Variants in GATB observed in about 807,000 individuals in gnomAD.
GATB encodes the protein glutamyl-tRNA amidotransferase subunit B.
GATB carries 39 observed loss-of-function variants against 62.3 expected under a neutral mutation model. The observed-to-expected ratio is 0.63, with a 90% CI of 0.48 to 0.82. The LOEUF (loss-of-function observed/expected upper bound fraction) is 0.82, where lower values mean the gene tolerates loss of function less well. Among genes scored for constraint, GATB ranks in the 40% least tolerant of loss-of-function variants. The pLI, the probability that GATB is intolerant of heterozygous loss-of-function variation, is 0.00. For synonymous variants in GATB, 276 were observed against 258.9 expected, an observed-to-expected ratio of 1.07 and a Z score of -0.63; for missense variants, 670 against 684.0, an observed-to-expected ratio of 0.98 and a Z score of 0.23.
At chr4:151,736,865 C>G (rs1739386358) in intron 2 of GATB, among the ~76,000 whole-genome samples, 1 of 152,202 alleles carries the variant, frequency 6.6e-6, no homozygotes, top group South Asian at 2.1e-4. Flanking sequence ...GCTCTCCTCT[C>G]TTGTCTGCTG....
intron 9 of GATB, among the ~76,000 whole-genome samples, chr4:151,698,842 A>G (rs1738540468): frequency 6.6e-6 from 1 of 152,166 alleles, no homozygotes; most frequent in Non-Finnish European, 1.5e-5. Context: ...AAGGTATCAA[A>G]AAAAGTCCTT....
Position 151,760,932 on chromosome 4 carries a change from G to A in GATB, c.51C>T (p.Phe17=), listed in dbSNP as rs757217781. ...RWGCRGRRWA[F]ARVDGGSCHR... is the part of the protein sequence containing the mutation. ...GGCAAGAACCACCGTCAACCCGGGC[G>A]AAAGCCCAACGTCTTCCACGGCAGC... The change falls in exon 1 of 13, where the codon TTC becomes TTT. Residue 17 remains phenylalanine, a synonymous_variant. Coordinates refer to ENST00000263985, the MANE Select transcript of GATB (RefSeq NM_004564.3). The A allele has an allele frequency of 1.9e-6, 3 of 1,613,750 alleles. No homozygotes were observed. The Admixed American group carries it at 5.0e-5, about 27-fold the overall frequency.
chr4:151,701,235 C>T, intron 9 of GATB, 94 bp downstream of exon 9: 3 of 1,042,726 alleles, frequency 2.9e-6, no homozygotes, highest in Non-Finnish European at 4.0e-6. Flanking sequence ...CCACCCCACT[C>T]AGAGCCCATG....
At chr4:151,683,983 C>T (rs963638363) in intron 10 of GATB, among the ~76,000 whole-genome samples, 1 of 152,230 alleles carries the variant, frequency 6.6e-6, no homozygotes, top group Non-Finnish European at 1.5e-5. Context: ...TCCTTCCAAA[C>T]ATGAAATACG....
chr4:151,697,615 TTATAA>T (rs907749632), intron 9 of GATB, among the ~76,000 whole-genome samples: 17 of 147,810 alleles, frequency 1.2e-4, no homozygotes, highest in African/African-American at 3.9e-4. Context: ...TACATTTATA[TTATAA>T]TAAATTTTAT....
At position 151,716,016 on chromosome 4, in the gene GATB, G is replaced by A. The variant is rs764723952; in HGVS notation, c.756C>T (p.Asn252=). 1.2e-6 allele frequency: 2 copies of A among 1,613,818 alleles called. No homozygotes were observed. Among genetic ancestry groups the A allele is most frequent in the East Asian group, 2.2e-5 (1 of 44,864 alleles). The part of the protein sequence containing the change: ...ILQALGTSQA[N]MAEGQLRVDA... Reference sequence around the variant, plus strand: ...TGCTTCTGTGGCTTCTACCTGCCATGTTCGCCTGGCTGGTCCCCAGGGCTT... The same window carrying A: ...TGCTTCTGTGGCTTCTACCTGCCATATTCGCCTGGCTGGTCCCCAGGGCTT... The change falls in exon 5 of 13, where the codon AAC becomes AAT. Residue 252 remains asparagine (N), a synonymous_variant. Coordinates refer to ENST00000263985, the MANE Select transcript of GATB (RefSeq NM_004564.3).
intron 2 of GATB, among the ~76,000 whole-genome samples, chr4:151,749,542 A>G (rs961753857): frequency 6.6e-6 from 1 of 152,100 alleles, no homozygotes; most frequent in Non-Finnish European, 1.5e-5. Flanking sequence ...TAGCATTAGG[A>G]GATGTACCTA....
Position 151,688,713 on chromosome 4 carries a change from C to T in GATB, c.1248G>A (p.Arg416=), listed in dbSNP as rs1015296995. The change falls in exon 10 of 13, where the codon AGG becomes AGA. Residue 416 remains arginine (R), a synonymous_variant. Transcript: ENST00000263985. ...AACTAGTCACCTTTTTTGGCTCTGC[C>T]CTAGTTTCTTTTATCACATTTTGGA... ...EFFQNVIKET[R]AEPKKVTSWV... The T allele has an allele frequency of 2.5e-6, 4 of 1,612,244 alleles. No individual in the cohort carries two copies. The highest frequency in any genetic ancestry group is 3.4e-6 in the Non-Finnish European group (4 of 1,179,470).
intron 2 of GATB, among the ~76,000 whole-genome samples, chr4:151,726,514 C>G (rs1739140698): frequency 6.6e-6 from 1 of 152,194 alleles, no homozygotes; most frequent in South Asian, 2.1e-4. Flanking sequence ...TATATATGTT[C>G]TTTATCCTTA....
At chr4:151,735,736 G>GTATATATATATATATATA (rs137893198) in intron 2 of GATB, among the ~76,000 whole-genome samples, 1 of 104,068 alleles carries the variant, frequency 9.6e-6, no homozygotes, top group Non-Finnish European at 1.9e-5. Context: ...AAACTGTGGT[G>GTATATATATATATATATA]TATATATATA....
chr4:151,673,124 G>A (rs1737910482), intron 11 of GATB: 1 of 504,664 alleles, frequency 2.0e-6, no homozygotes, highest in Non-Finnish European at 3.5e-6. Flanking sequence ...CCAGCTAGGT[G>A]GAGTGAATGC....
rs183557690 is a variant in GATB at position 151,729,604 on chromosome 4, T to A, written c.328-10066A>T. Among the ~76,000 whole-genome samples the A allele has an allele frequency of 3.9e-3, 595 of 152,276 alleles. 7 individuals are homozygous for A. The highest frequency in any genetic ancestry group is 7.2e-3 in the Non-Finnish European group (493 of 68,036). ...GTGCCATGATGTCTGCAACTTACTC[T>A]CAAATGGCTCATCCAAAGGAGGAAA... On this transcript the variant is annotated intron_variant, in intron 2 of 12. Coordinates refer to ENST00000263985, the MANE Select transcript of GATB (RefSeq NM_004564.3).
At chr4:151,696,518 G>A (rs1042420432) in intron 9 of GATB, among the ~76,000 whole-genome samples, 2 of 152,248 alleles carry the variant, frequency 1.3e-5, no homozygotes, top group African/African-American at 4.8e-5. Flanking sequence ...TAGGAATGAA[G>A]AGCGTAGGCC....
chr4:151,671,433 A>T, intron 12 of GATB, 131 bp from the exon 13 acceptor site: 1 of 874,202 alleles, frequency 1.1e-6, no homozygotes, highest in Non-Finnish European at 1.7e-6. Context: ...CATAAAATGT[A>T]GAACAGAAAA....
At chr4:151,689,357 G>A (rs1230022417) in intron 9 of GATB, among the ~76,000 whole-genome samples, 2 of 152,226 alleles carry the variant, frequency 1.3e-5, no homozygotes, top group African/African-American at 4.8e-5. Flanking sequence ...ATGGGCACAT[G>A]TGACCCACTT....
chr4:151,687,227 C>G (rs1738268471), intron 10 of GATB: 1 of 152,298 alleles, frequency 6.6e-6, no homozygotes, highest in Admixed American at 6.5e-5. Flanking sequence ...TTATCAGCTG[C>G]AGACTCATAG....
At chr4:151,687,882 G>A (rs1384202735) in intron 10 of GATB, among the ~76,000 whole-genome samples, 3 of 152,176 alleles carry the variant, frequency 2.0e-5, no homozygotes, top group African/African-American at 7.2e-5. Context: ...GGAAAGACAT[G>A]TTGCTGAAGC....
chr4:151,712,401 A>T (rs1318500872), intron 5 of GATB, among the ~76,000 whole-genome samples: 1 of 152,226 alleles, frequency 6.6e-6, no homozygotes, highest in Non-Finnish European at 1.5e-5. Context: ...TGAGAATGGC[A>T]TCAGGCTCAA....
rs763748287 is a variant in GATB, at chr4:151,672,804, C to CAGT, written c.1500_1502dup (p.Leu501dup). On this transcript the variant is annotated inframe_insertion, in exon 12 of 13. Transcript: ENST00000263985. Reference sequence around the variant, plus strand: ...CCATCACAGAGTGGCAGAGCTGCTCCAGTGCCCCCTGGTCCTGCATCAGTT... The same window carrying CAGT: ...CCATCACAGAGTGGCAGAGCTGCTCCAGTAGTGCCCCCTGGTCCTGCATCAGTT... 4.2e-5 allele frequency: 68 copies of CAGT among 1,614,082 alleles called. No homozygotes were observed. Among genetic ancestry groups the CAGT allele is most frequent in the Non-Finnish European group, 5.4e-5 (64 of 1,180,036 alleles).
Sources: gnomAD v4.1 joint callset for allele counts (sites outside exome capture counted in the v4.1 genomes callset) on GRCh38, gnomAD v4.1.1 for gene constraint, MANE v1.5 for transcripts, NCBI Gene and HGNC (gene_info 2026-07-23, HGNC 2026-07-21) for gene names.